RFX1: variants seen among roughly 807,000 people sequenced by gnomAD.
RFX1 encodes MHC class II regulatory factor RFX1.
A neutral mutation model predicts 119.6 loss-of-function variants in RFX1; 42 were observed. The observed-to-expected ratio is 0.35, with a 90% CI of 0.27 to 0.45. The LOEUF is 0.45. Ranked by LOEUF, RFX1 falls within the 20% of genes least tolerant of loss-of-function variation. The pLI, the probability that RFX1 is intolerant of heterozygous loss-of-function variation, is 1.00. For synonymous variants in RFX1, 628 were observed against 618.5 expected, an observed-to-expected ratio of 1.02 and a Z score of -0.23; for missense variants, 1,118 against 1,368.1, an observed-to-expected ratio of 0.82 and a Z score of 2.88.
rs1030093712 is a variant in RFX1, at chr19:13,966,140, A to G, written c.1961+281T>C. Among the ~76,000 whole-genome samples, 78 of 152,042 alleles carry G rather than the reference A, an allele frequency of 5.1e-4. 1 individual carries two copies. Among genetic ancestry groups the G allele is most frequent in the Non-Finnish European group, 7.7e-4 (52 of 67,964 alleles). On this transcript the variant is annotated intron_variant, in intron 14 of 20. Transcript: ENST00000254325. The surrounding 1 kb of genome is among the most constrained non-coding windows in gnomAD (Gnocchi z 6.3). The stretch of plus-strand genomic sequence containing the variant: ...GGTTGGCACAGGCCCGAGGGGTGGG[A>G]CGGGATCCTATGCCCTACCCTCCAT...
Position 13,968,706 on chromosome 19 carries a change from G to A in RFX1, c.1617-26C>T, listed in dbSNP as rs539186507. On this transcript the variant is annotated intron_variant, in intron 11 of 20. Coordinates refer to ENST00000254325, the MANE Select transcript of RFX1 (RefSeq NM_002918.5). The surrounding 1 kb of genome is among the most constrained non-coding windows in gnomAD (Gnocchi z 5.5). Reference sequence around the variant, plus strand: ...CTGGAGTAGAATGGGCAGGTGGGCCGGCTGCTGGGGGCCGGCCTGTGTGCC... The same window carrying A: ...CTGGAGTAGAATGGGCAGGTGGGCCAGCTGCTGGGGGCCGGCCTGTGTGCC... The A allele has an allele frequency of 1.2e-5, 20 of 1,611,008 alleles. No individual in the cohort carries two copies. Among genetic ancestry groups the A allele is most frequent in the South Asian group, 7.7e-5 (7 of 91,020 alleles).
In RFX1 at chr19:13,970,011, G is replaced by A. The variant is rs1170431593; in HGVS notation, c.1479C>T (p.Thr493=). ...GGCCCTACCTGGTGCCCAGACGGCG[G>A]GTTCGCAGGCCCATGAAGACGGAGC... ...LIRSVFMGLR[T]RRLGTRGNSK... The change falls in exon 10 of 21, where the codon ACC becomes ACT. Residue 493 remains threonine (T), a synonymous_variant. Coordinates refer to ENST00000254325, the MANE Select transcript of RFX1 (RefSeq NM_002918.5). The A allele has an allele frequency of 6.2e-7, 1 of 1,611,990 alleles. No individual in the cohort carries two copies. The highest frequency in any genetic ancestry group is 2.2e-5 in the East Asian group (1 of 44,860).
rs1290972902 is a variant in RFX1 at position 13,982,056 on chromosome 19, T to C, written c.621+65A>G. The C allele has an allele frequency of 6.4e-6, 5 of 778,506 alleles. No homozygotes were observed. The East Asian group carries it at 1.2e-4, about 19-fold the overall frequency. 48.2% of individuals were successfully genotyped at this position (778,506 alleles called of 1,614,324 possible). On this transcript the variant is annotated intron_variant, in intron 5 of 20. Transcript: ENST00000254325. ...GGGGCAGGGAGCCCCAAATATACTA[T>C]GGGGATACATTGCTGACCTCGGGAG...
rs530055290 is a variant in RFX1, at chr19:13,965,398, C to T, written c.2211+51G>A. 8.1e-5 allele frequency: 123 copies of T among 1,519,252 alleles called. 1 individual carries two copies. Among genetic ancestry groups the T allele is most frequent in the Middle Eastern group, 1.7e-4 (1 of 5,818 alleles). The allele number at this position is 1,519,252 out of a possible 1,614,324, so 94.1% of individuals were successfully genotyped here. On this transcript the variant is annotated intron_variant, in intron 16 of 20. Transcript: ENST00000254325. The surrounding 1 kb of genome is among the most constrained non-coding windows in gnomAD (Gnocchi z 4.7). Reference sequence around the variant, plus strand: ...TACCGCCCCTGGGGAGCAGAGGAGACGGAGGCCTAAGCCCCAGAGATAGGA... The same window carrying T: ...TACCGCCCCTGGGGAGCAGAGGAGATGGAGGCCTAAGCCCCAGAGATAGGA...
Position 13,965,671 on chromosome 19 carries a change from C to T in RFX1, c.2068G>A (p.Gly690Ser), listed in dbSNP as rs781172033. ...TKHCDNVLYQ[G>S]LVEILIPDVL... ...TCGGGAATGAGGATTTCCACCAGGCCCTGGTACAGCACGTTGTCACAGTGC... is the reference window on the plus strand; with the variant it reads ...TCGGGAATGAGGATTTCCACCAGGCTCTGGTACAGCACGTTGTCACAGTGC... Residue 690 changes from glycine to serine, a missense_variant, in exon 15 of 21, where the codon GGC becomes AGC. By Grantham distance (56) the Gly-to-Ser change is moderately conservative. Transcript: ENST00000254325. The surrounding 1 kb of genome is among the most constrained non-coding windows in gnomAD (Gnocchi z 4.7). 4 of 1,613,708 alleles carry T rather than the reference C, an allele frequency of 2.5e-6. No individual in the cohort carries two copies. Among genetic ancestry groups the T allele is most frequent in the South Asian group, 2.2e-5 (2 of 91,080 alleles).
At chr19:14,004,657 A>G (rs1975314951) in intron 1 of RFX1, among the ~76,000 whole-genome samples, 1 of 152,186 alleles carries the variant, frequency 6.6e-6, no homozygotes, top group African/African-American at 2.4e-5. Context: ...TACCTGGAGA[A>G]GTTAGGACCC....
intron 1 of RFX1, among the ~76,000 whole-genome samples, chr19:13,996,130 G>A (rs529131115): frequency 1.2e-3 from 188 of 152,268 alleles, no homozygotes; most frequent in African/African-American, 4.4e-3. Flanking sequence ...GCCTCCCTCC[G>A]GCTCAGCCCC....
At chr19:13,983,291 G>A in intron 3 of RFX1, 21 bp from the exon 4 acceptor site, 1 of 1,531,430 alleles carries the variant, frequency 6.5e-7, no homozygotes, top group Non-Finnish European at 8.8e-7. Flanking sequence ...AAGGCAGGAG[G>A]AGCTGAGCTG....
chr19:13,981,523 G>C (rs924819648), intron 5 of RFX1, among the ~76,000 whole-genome samples: 6 of 152,182 alleles, frequency 3.9e-5, no homozygotes, highest in Admixed American at 3.9e-4. Flanking sequence ...TTGAACCCAG[G>C]AGTCGGAGGT....
At chr19:13,989,288 G>T (rs1333536518) in intron 2 of RFX1, among the ~76,000 whole-genome samples, 1 of 152,162 alleles carries the variant, frequency 6.6e-6, no homozygotes, top group Non-Finnish European at 1.5e-5. Context: ...GGGCGAGGCT[G>T]GGAGGCTGGC....
intron 1 of RFX1, among the ~76,000 whole-genome samples, chr19:14,000,151 T>C (rs563548505): frequency 2.0e-5 from 3 of 152,338 alleles, no homozygotes; most frequent in South Asian, 2.1e-4. Flanking sequence ...TCATCCTCTA[T>C]ATCCAATTCA....
chr19:13,967,341 T>A (rs1393109605), intron 12 of RFX1, among the ~76,000 whole-genome samples: 1 of 151,928 alleles, frequency 6.6e-6, no homozygotes, highest in South Asian at 2.1e-4. Context: ...TTGTTTACTT[T>A]GTCTTTTTTT....
chr19:13,963,078 C>T, intron 19 of RFX1, 39 bp from the exon 20 acceptor site: 2 of 1,602,020 alleles, frequency 1.2e-6, no homozygotes, highest in East Asian at 2.3e-5. Context: ...AGGGTCCCGC[C>T]GCCTGGCGCC....
intron 9 of RFX1, among the ~76,000 whole-genome samples, chr19:13,972,036 C>T (rs181535622): frequency 6.6e-6 from 1 of 151,776 alleles, no homozygotes; most frequent in African/African-American, 2.4e-5. Flanking sequence ...GGACATGGTG[C>T]GGCATGCCTG....
chr19:13,976,935 G>A (rs570852391), intron 8 of RFX1, among the ~76,000 whole-genome samples: 1 of 151,900 alleles, frequency 6.6e-6, no homozygotes, highest in African/African-American at 2.4e-5. Flanking sequence ...CCCGTGAGCT[G>A]CAGTGAGCCC....
In RFX1 at chr19:13,962,983, G is replaced by T; in HGVS notation, c.2770+11C>A. ...GGACCCGCGCCCTGGGTGGGAACAC[G>T]CCTCGCCTACCTTTGTCGGGGTCCA... is the stretch of plus-strand genomic sequence containing the variant. On this transcript the variant is annotated intron_variant, in intron 20 of 20. Coordinates refer to ENST00000254325, the MANE Select transcript of RFX1 (RefSeq NM_002918.5). 6.5e-7 allele frequency: 1 copy of T among 1,550,226 alleles called. No homozygotes were observed. Among genetic ancestry groups the T allele is most frequent in the Non-Finnish European group, 8.7e-7 (1 of 1,146,452 alleles).
chr19:14,004,092 G>C (rs1975298730), intron 1 of RFX1, among the ~76,000 whole-genome samples: 1 of 152,044 alleles, frequency 6.6e-6, no homozygotes, highest in African/African-American at 2.4e-5. Flanking sequence ...TAGAAACAGG[G>C]TTTCACCATG....
Position 13,962,842 on chromosome 19 carries a change from C to T in RFX1, c.2793G>A (p.Glu931=), listed in dbSNP as rs781677228. The T allele has an allele frequency of 3.5e-5, 53 of 1,528,480 alleles. No individual in the cohort carries two copies. The highest frequency in any genetic ancestry group is 1.9e-4 in the South Asian group (16 of 82,460). 94.7% of individuals were successfully genotyped at this position (1,528,480 alleles called of 1,614,324 possible). A position where few individuals can be genotyped will look rare whatever the true frequency, so the allele number is the denominator to read the frequency against. ...PDKDEEEEEE[E]ESEDELPQDI... is the part of the protein sequence containing the mutation. ...CCTGCGGCAGCTCGTCCTCGCTCTC[C>T]TCCTCCTCTTCTTCCTCCTCGTCTG... The change falls in exon 21 of 21, where the codon GAG becomes GAA. Residue 931 remains glutamate, a synonymous_variant. Coordinates refer to ENST00000254325, the MANE Select transcript of RFX1 (RefSeq NM_002918.5).
chr19:13,987,596 G>A (rs1455412908), intron 2 of RFX1, among the ~76,000 whole-genome samples: 2 of 152,112 alleles, frequency 1.3e-5, no homozygotes, highest in Non-Finnish European at 2.9e-5. Flanking sequence ...GAGGAAGGAC[G>A]CTAACCTGGC....
Sources: gnomAD v4.1 joint callset for allele counts (sites outside exome capture counted in the v4.1 genomes callset) on GRCh38, gnomAD v4.1.1 for gene constraint, Gnocchi (gnomAD v3.1) non-coding constraint, MANE v1.5 for transcripts, NCBI Gene and HGNC (gene_info 2026-07-23, HGNC 2026-07-21) for gene names.